SEZ6L: variants seen among roughly 807,000 people sequenced by gnomAD.
SEZ6L encodes seizure 6-like protein.
Under a neutral mutation model 106.2 loss-of-function variants are expected in SEZ6L, and 37 were observed. The ratio of observed to expected loss-of-function variants is 0.35; its 90% CI spans 0.27 to 0.46. The LOEUF (loss-of-function observed/expected upper bound fraction) is 0.46. Ranked by LOEUF, SEZ6L falls within the 20% of genes least tolerant of loss-of-function variation. The pLI is 1.00. For missense variants in SEZ6L, 1,172 were observed against 1,332.8 expected (o/e 0.88, Z 1.88); for synonymous variants, 541 against 570.4 (o/e 0.95, Z 0.73).
At chr22:26,365,107 G>A (rs1394896115) in intron 12 of SEZ6L, among the ~76,000 whole-genome samples, 2 of 152,200 alleles carry the variant, frequency 1.3e-5, no homozygotes, top group African/African-American at 4.8e-5. Flanking sequence ...ACTTGCTGGC[G>A]ATCACACAGC....
chr22:26,325,901 T>C (rs2145954448), intron 9 of SEZ6L, among the ~76,000 whole-genome samples: 1 of 149,376 alleles, frequency 6.7e-6, no homozygotes, highest in African/African-American at 2.5e-5. Flanking sequence ...GTGTACAAAC[T>C]GAGCTCCTTT....
chr22:26,367,867 G>A (rs915592321), intron 13 of SEZ6L, among the ~76,000 whole-genome samples: 1 of 152,124 alleles, frequency 6.6e-6, no homozygotes, highest in Non-Finnish European at 1.5e-5. Flanking sequence ...ACACATTATT[G>A]CTTTAAGCCT....
chr22:26,321,307 T>A (rs917150540), intron 9 of SEZ6L, among the ~76,000 whole-genome samples: 8 of 152,224 alleles, frequency 5.3e-5, no homozygotes, highest in African/African-American at 1.9e-4. Context: ...CCACTTGCCA[T>A]GTCTCCAGGA....
At chr22:26,377,590 G>C (rs2084271232) in intron 15 of SEZ6L, 83 bp from the exon 16 acceptor site, 1 of 1,116,422 alleles carries the variant, frequency 9.0e-7, no homozygotes, top group Non-Finnish European at 1.4e-6. Flanking sequence ...TGCTCAGGAA[G>C]TGGCACCAAC....
At chr22:26,317,505 G>T (rs1234462647) in intron 9 of SEZ6L, among the ~76,000 whole-genome samples, 1 of 151,756 alleles carries the variant, frequency 6.6e-6, no homozygotes, top group Non-Finnish European at 1.5e-5. Context: ...TCTCCCTTTG[G>T]TGCCAGAGGT....
At chr22:26,325,818 G>C (rs1027784340) in intron 9 of SEZ6L, among the ~76,000 whole-genome samples, 2 of 152,118 alleles carry the variant, frequency 1.3e-5, no homozygotes, top group Non-Finnish European at 2.9e-5. Flanking sequence ...CAAGGGCTTA[G>C]TACATTACAC....
At chr22:26,196,112 G>A (rs913737673) in intron 1 of SEZ6L, among the ~76,000 whole-genome samples, 3 of 152,250 alleles carry the variant, frequency 2.0e-5, no homozygotes, top group African/African-American at 7.2e-5. Flanking sequence ...TTCATGAATA[G>A]TTTAGCACCA....
chr22:26,350,177 T>C (rs932159554), intron 11 of SEZ6L, among the ~76,000 whole-genome samples: 2 of 148,566 alleles, frequency 1.3e-5, no homozygotes, highest in East Asian at 3.9e-4. Context: ...CAAATTCATA[T>C]ATATGTGTGT....
intron 1 of SEZ6L, among the ~76,000 whole-genome samples, chr22:26,182,299 A>G (rs1039306891): frequency 1.3e-5 from 2 of 152,222 alleles, no homozygotes; most frequent in African/African-American, 2.4e-5. Context: ...CGTATCAGAT[A>G]GTCAGCAGGT....
intron 9 of SEZ6L, among the ~76,000 whole-genome samples, chr22:26,332,234 CCTT>C (rs1199699932): frequency 6.7e-6 from 1 of 148,880 alleles, no homozygotes; most frequent in East Asian, 2.0e-4. Flanking sequence ...ACTGCAACCT[CCTT>C]CTCTCAGGTT....
At chr22:26,309,586 A>G (rs1269472128) in intron 6 of SEZ6L, among the ~76,000 whole-genome samples, 1 of 149,930 alleles carries the variant, frequency 6.7e-6, no homozygotes, top group Admixed American at 6.7e-5. Context: ...CCTGTTAACT[A>G]TTTTTTTTTT....
chr22:26,204,470 C>A (rs549057957), intron 1 of SEZ6L, among the ~76,000 whole-genome samples: 1 of 152,298 alleles, frequency 6.6e-6, no homozygotes, highest in African/African-American at 2.4e-5. Context: ...ACAAATATCA[C>A]CCCATTTTAC....
chr22:26,245,103 C>T (rs1198897247), intron 1 of SEZ6L, among the ~76,000 whole-genome samples: 2 of 152,130 alleles, frequency 1.3e-5, no homozygotes, highest in African/African-American at 2.4e-5. Context: ...TGTTGGGGCG[C>T]TCTGGTTTCC....
intron 9 of SEZ6L, among the ~76,000 whole-genome samples, chr22:26,323,383 A>T (rs2145948645): frequency 6.6e-6 from 1 of 152,370 alleles, no homozygotes; most frequent in Middle Eastern, 3.4e-3. Flanking sequence ...GTGTAATCCC[A>T]GCACTTTTGG....
intron 1 of SEZ6L, among the ~76,000 whole-genome samples, chr22:26,246,660 A>G (rs1425275785): frequency 1.3e-5 from 2 of 152,158 alleles, no homozygotes; most frequent in Admixed American, 1.3e-4. Context: ...TAATCCCACA[A>G]CATTTCTCCT....
intron 9 of SEZ6L, among the ~76,000 whole-genome samples, chr22:26,316,892 G>GAA (rs1229794374): frequency 4.7e-4 from 49 of 103,770 alleles, no homozygotes; most frequent in African/African-American, 1.6e-3. Flanking sequence ...AAGAAAGAAA[G>GAA]AGAAAGAAAG....
rs529341127 is a variant in SEZ6L, at chr22:26,360,976, C to T, written c.2600-4396C>T. Among the ~76,000 whole-genome samples the T allele has an allele frequency of 3.9e-5, 6 of 152,152 alleles. No individual in the cohort carries two copies. The East Asian group carries it at 9.7e-4, about 24-fold the overall frequency. On this transcript the variant is annotated intron_variant, in intron 12 of 16. Transcript: ENST00000248933. ...TCAAAAGCTATAAAGTGTTGTGCAC[C>T]GGGCTGCACTTCCCGAGGAGTAGGA... is the stretch of plus-strand genomic sequence containing the variant.
intron 9 of SEZ6L, among the ~76,000 whole-genome samples, chr22:26,326,110 G>A: frequency 6.6e-6 from 1 of 152,298 alleles, no homozygotes. Context: ...AAGCACCAGG[G>A]TTAGGTCCTC....
chr22:26,280,194 T>C (rs1569440709), intron 1 of SEZ6L, among the ~76,000 whole-genome samples: 1 of 152,166 alleles, frequency 6.6e-6, no homozygotes, highest in Non-Finnish European at 1.5e-5. Context: ...TGTGCCATTC[T>C]TTTTATTATT....
Sources: gnomAD v4.1 joint callset for allele counts (sites outside exome capture counted in the v4.1 genomes callset) on GRCh38, gnomAD v4.1.1 for gene constraint, MANE v1.5 for transcripts, NCBI Gene and HGNC (gene_info 2026-07-23, HGNC 2026-07-21) for gene names.